DENND2A: variants seen among roughly 807,000 people sequenced by gnomAD.
DENND2A encodes DENN domain-containing protein 2A.
Under a neutral mutation model 105.3 loss-of-function variants are expected in DENND2A, and 53 were observed. That is an observed-to-expected ratio of 0.50 (90% CI 0.40 to 0.63). DENND2A has a LOEUF of 0.63. Among genes scored for constraint, DENND2A ranks in the 30% least tolerant of loss-of-function variants. DENND2A has a pLI of 0.00. For missense variants in DENND2A, 1,138 were observed against 1,279.6 expected (o/e 0.89, Z 1.69); for synonymous variants, 522 against 508.4 (o/e 1.03, Z -0.36).
chr7:140,584,916 A>G (rs1192156528), intron 5 of DENND2A, among the ~76,000 whole-genome samples: 35 of 152,322 alleles, frequency 2.3e-4, no homozygotes, highest in Non-Finnish European at 4.4e-5. Flanking sequence ...AAAAACCCAC[A>G]GGCTGGGTGC....
chr7:140,568,194 C>T (rs1458661813), intron 8 of DENND2A, among the ~76,000 whole-genome samples: 2 of 152,190 alleles, frequency 1.3e-5, no homozygotes, highest in Non-Finnish European at 2.9e-5. Context: ...CCCGCCTCGG[C>T]CTCCTAAAGT....
intron 1 of DENND2A, among the ~76,000 whole-genome samples, chr7:140,639,191 A>C (rs2130751027): frequency 6.6e-6 from 1 of 152,102 alleles, no homozygotes; most frequent in Non-Finnish European, 1.5e-5. Context: ...GTCTCTACTA[A>C]AAATACAAAA....
At position 140,593,188 on chromosome 7, in the gene DENND2A, C is replaced by G. The variant is rs115224303; in HGVS notation, c.996-5408G>C. 6.0e-3 allele frequency among the ~76,000 whole-genome samples: 913 copies of G among 152,264 alleles called. 6 individuals carry two copies. The highest frequency in any genetic ancestry group is 0.02 in the African/African-American group (848 of 41,544). ...ATTTAAACATTTTCAACATTCATTCCACATCCCGCCTGCAAGTTTAATAAG... is the reference window on the plus strand; with the variant it reads ...ATTTAAACATTTTCAACATTCATTCGACATCCCGCCTGCAAGTTTAATAAG... On this transcript the variant is annotated intron_variant, in intron 3 of 19. Coordinates refer to ENST00000496613, the MANE Select transcript of DENND2A (RefSeq NM_015689.5).
chr7:140,633,307 C>T (rs566293210), intron 1 of DENND2A, among the ~76,000 whole-genome samples: 16 of 152,098 alleles, frequency 1.1e-4, no homozygotes, highest in East Asian at 3.9e-4. Flanking sequence ...GGATTACAGG[C>T]GTGAGCCACC....
chr7:140,619,661 A>G (rs1440868906), intron 1 of DENND2A, among the ~76,000 whole-genome samples: 1 of 151,836 alleles, frequency 6.6e-6, no homozygotes, highest in Non-Finnish European at 1.5e-5. Flanking sequence ...CACCATGCCC[A>G]GCTAATTTTT....
At position 140,583,418 on chromosome 7, in the gene DENND2A, C is replaced by T. The variant is rs1439645451; in HGVS notation, c.1245+2171G>A. 4.0e-5 allele frequency among the ~76,000 whole-genome samples: 6 copies of T among 149,978 alleles called. 1 individual carries two copies. Among genetic ancestry groups the T allele is most frequent in the East Asian group, 1.9e-4 (1 of 5,184 alleles). Reference sequence around the variant, plus strand: ...TCCCAGGGATTGGGATGGCTGGAGACGCTTCTTAAAGGACGCATGATTGAA... The same window carrying T: ...TCCCAGGGATTGGGATGGCTGGAGATGCTTCTTAAAGGACGCATGATTGAA... On this transcript the variant is annotated intron_variant, in intron 5 of 19. Transcript: ENST00000496613.
At chr7:140,521,552 TAGG>T (rs1795861544) in intron 18 of DENND2A, among the ~76,000 whole-genome samples, 1 of 152,292 alleles carries the variant, frequency 6.6e-6, no homozygotes, top group Non-Finnish European at 1.5e-5. Flanking sequence ...GCTGGGATTA[TAGG>T]CGTGAGTCAC....
At position 140,608,634 on chromosome 7, in the gene DENND2A, C is replaced by T. The variant is rs577837134; in HGVS notation, c.-247-2828G>A. Among the ~76,000 whole-genome samples the T allele has an allele frequency of 1.5e-4, 23 of 151,224 alleles. No individual in the cohort carries two copies. The South Asian group carries it at 4.6e-3, about 30-fold the overall frequency. ...GAGGTTGCAGTGAGCTGAGACTGAA[C>T]CACTGCACTCCAGCCCAGGTGACAC... On this transcript the variant is annotated intron_variant, in intron 1 of 19. Transcript: ENST00000496613.
intron 14 of DENND2A, chr7:140,544,221 G>T (rs533858375): frequency 4.0e-4 from 117 of 293,304 alleles, no homozygotes; most frequent in Middle Eastern, 1.3e-3. Context: ...AGGAGGGAAG[G>T]TCTCCCTCTG....
At chr7:140,552,768 C>T (rs995775009) in intron 12 of DENND2A, among the ~76,000 whole-genome samples, 3 of 152,034 alleles carry the variant, frequency 2.0e-5, no homozygotes, top group South Asian at 2.1e-4. Flanking sequence ...TGCAGTGATA[C>T]GATCACAGCT....
At chr7:140,617,763 C>T (rs1800137453) in intron 1 of DENND2A, among the ~76,000 whole-genome samples, 2 of 152,190 alleles carry the variant, frequency 1.3e-5, no homozygotes. Flanking sequence ...TGACCAACAC[C>T]TGTCAGCTTG....
intron 3 of DENND2A, among the ~76,000 whole-genome samples, chr7:140,592,206 A>AT (rs1799084410): frequency 8.0e-5 from 10 of 124,950 alleles, no homozygotes; most frequent in South Asian, 2.7e-4. Flanking sequence ...CATCTGGCTA[A>AT]TTTTTATTTT....
chr7:140,528,428 T>C (rs956921378), intron 14 of DENND2A, among the ~76,000 whole-genome samples: 1 of 152,146 alleles, frequency 6.6e-6, no homozygotes, highest in Admixed American at 6.6e-5. Flanking sequence ...GAAGCTCATA[T>C]ACAGTTGAGC....
chr7:140,573,856 A>T lies in DENND2A; in HGVS notation c.1398T>A (p.Phe466Leu). The T allele has an allele frequency of 1.2e-6, 2 of 1,614,006 alleles. No homozygotes were observed. The highest frequency in any genetic ancestry group is 1.7e-6 in the Non-Finnish European group (2 of 1,179,976). ...TGCCGTTCTGTGGGTCTCCAAGGTT[A>T]AAGAAAATGTCATCAGGGCTGCTGG... ...STPSSPDDIF[F>L]NLGDPQNGRK... The change falls in exon 6 of 20, where the codon TTT becomes TTA. Residue 466 changes from phenylalanine to leucine, a missense_variant. Coordinates refer to ENST00000496613, the MANE Select transcript of DENND2A (RefSeq NM_015689.5).
intron 1 of DENND2A, among the ~76,000 whole-genome samples, chr7:140,619,507 T>G (rs1383210527): frequency 1.3e-5 from 2 of 152,072 alleles, no homozygotes; most frequent in Non-Finnish European, 2.9e-5. Flanking sequence ...GCACTTTTTT[T>G]TTTTTTGAGA....
chr7:140,604,701 G>A (rs1011579225), intron 2 of DENND2A, among the ~76,000 whole-genome samples: 1 of 152,162 alleles, frequency 6.6e-6, no homozygotes, highest in Non-Finnish European at 1.5e-5. Flanking sequence ...TATGCTGTGA[G>A]GCACTATGGC....
intron 5 of DENND2A, among the ~76,000 whole-genome samples, chr7:140,583,001 A>G (rs1443925350): frequency 6.6e-6 from 1 of 152,138 alleles, no homozygotes; most frequent in Non-Finnish European, 1.5e-5. Context: ...TGTTTTTAAG[A>G]TATATTAAGG....
intron 14 of DENND2A, among the ~76,000 whole-genome samples, chr7:140,528,473 G>A (rs374966623): frequency 4.6e-5 from 7 of 152,118 alleles, no homozygotes; most frequent in African/African-American, 1.7e-4. Context: ...TGATATGCTA[G>A]AGATGACTGA....
intron 14 of DENND2A, among the ~76,000 whole-genome samples, chr7:140,542,646 C>T (rs1362616487): frequency 6.7e-6 from 1 of 149,356 alleles, no homozygotes; most frequent in Non-Finnish European, 1.5e-5. Flanking sequence ...CTCACTGTAA[C>T]CTCCGCCTCC....
Sources: allele counts gnomAD v4.1 joint callset (sites outside exome capture counted in the v4.1 genomes callset), GRCh38; gene constraint gnomAD v4.1.1; transcripts MANE v1.5; gene names NCBI Gene and HGNC (gene_info 2026-07-23, HGNC 2026-07-21).